The following DHX34 variants were observed in gnomAD, a reference collection of about 807,000 sequenced individuals.
The protein encoded by DHX34 is probable ATP-dependent RNA helicase DHX34.
Under a neutral mutation model 111.1 loss-of-function variants are expected in DHX34, and 96 were observed. The ratio of observed to expected loss-of-function variants is 0.86; its 90% CI spans 0.73 to 1.02. The LOEUF (loss-of-function observed/expected upper bound fraction) is 1.02, where lower values mean the gene tolerates loss of function less well. DHX34 is among the 50% of genes least tolerant of loss of function. The pLI is 0.00. For synonymous variants in DHX34, 688 were observed against 670.4 expected (o/e 1.03, Z -0.41); for missense variants, 1,560 against 1,579.9 (o/e 0.99, Z 0.21).
At chr19:47,368,705 C>CAT (rs781452889) in intron 7 of DHX34, among the ~76,000 whole-genome samples, 8 of 149,156 alleles carry the variant, frequency 5.4e-5, no homozygotes, top group East Asian at 2.0e-4. Context: ...TATACACACA[C>CAT]ATATATATAT....
intron 16 of DHX34, 145 bp from the exon 17 acceptor site, chr19:47,381,835 C>T: frequency 4.7e-6 from 7 of 1,479,408 alleles, no homozygotes; most frequent in Non-Finnish European, 6.3e-6. Flanking sequence ...TTTTATTAAT[C>T]TGGGAGGGCT....
intron 3 of DHX34, among the ~76,000 whole-genome samples, chr19:47,357,585 G>A (rs944981454): frequency 1.2e-4 from 19 of 152,092 alleles, no homozygotes; most frequent in South Asian, 2.1e-4. Context: ...GATATCCTAC[G>A]ATGCACAGGA....
intron 1 of DHX34, among the ~76,000 whole-genome samples, chr19:47,351,263 C>G (rs1436198286): frequency 7.0e-6 from 1 of 142,416 alleles, no homozygotes; most frequent in Non-Finnish European, 1.5e-5. Flanking sequence ...CCTGCAAGCT[C>G]TGCCTCCAGG....
chr19:47,379,301 G>A (rs1970273508), intron 13 of DHX34, among the ~76,000 whole-genome samples: 1 of 152,006 alleles, frequency 6.6e-6, no homozygotes, highest in African/African-American at 2.4e-5. Context: ...CAGCCCTGAG[G>A]ATTTTCCCCA....
chr19:47,358,204 A>G (rs1454966950), intron 4 of DHX34, 84 bp downstream of exon 4: 2 of 1,518,954 alleles, frequency 1.3e-6, no homozygotes, highest in Non-Finnish European at 1.8e-6. Flanking sequence ...TAACTCCACA[A>G]ACACAGGGCT....
At chr19:47,355,921 G>T (rs1231550746) in intron 3 of DHX34, among the ~76,000 whole-genome samples, 1 of 151,880 alleles carries the variant, frequency 6.6e-6, no homozygotes, top group Non-Finnish European at 1.5e-5. Context: ...ATAACAGTGT[G>T]GCTGGTCCAG....
At chr19:47,380,566 A>G in intron 14 of DHX34, 1 of 946,906 alleles carries the variant, frequency 1.1e-6, no homozygotes, top group Non-Finnish European at 1.3e-6. Context: ...CAAGGTCTGA[A>G]TGGGGTCCCA....
intron 12 of DHX34, chr19:47,376,802 AGAGT>A: frequency 6.6e-7 from 1 of 1,510,072 alleles, no homozygotes; most frequent in Non-Finnish European, 8.8e-7. Flanking sequence ...CTGTGCCCAG[AGAGT>A]GAGCACCGGT....
chr19:47,367,489 C>T (rs912542392), intron 7 of DHX34, among the ~76,000 whole-genome samples: 2 of 152,150 alleles, frequency 1.3e-5, no homozygotes, highest in Non-Finnish European at 2.9e-5. Context: ...GTTTGTAATA[C>T]AGGCCTCATG....
Position 47,380,894 on chromosome 19 carries a change from C to G in DHX34, c.3061C>G (p.Pro1021Ala). The G allele has an allele frequency of 6.2e-7, 1 of 1,613,738 alleles. No individual in the cohort carries two copies. The highest frequency in any genetic ancestry group is 1.1e-5 in the South Asian group (1 of 91,078). Residue 1021 changes from proline to alanine, a missense_variant, in exon 15 of 17, where the codon CCC becomes GCC. Coordinates refer to ENST00000328771, the MANE Select transcript of DHX34 (RefSeq NM_014681.6). ...GGGACCCCAGACCATCCCAGCCACC[C>G]CCCATCTTCCTGGCCTCTTTGGCAG... ...YVGPQTIPATPHLPGLFGSST... is the reference protein window; with the variant it reads ...YVGPQTIPATAHLPGLFGSST...
chr19:47,365,886 G>A (rs1430018505), intron 6 of DHX34, among the ~76,000 whole-genome samples: 2 of 151,472 alleles, frequency 1.3e-5, no homozygotes, highest in African/African-American at 2.5e-5. Context: ...TCTTTTGGTT[G>A]TAAGTGAGAG....
chr19:47,356,312 A>G (rs1201697529), intron 3 of DHX34, among the ~76,000 whole-genome samples: 1 of 152,026 alleles, frequency 6.6e-6, no homozygotes, highest in African/African-American at 2.4e-5. Flanking sequence ...GATGCCCATC[A>G]ATTTGCCTTC....
At chr19:47,381,528 T>C (rs915090792) in intron 16 of DHX34, 6 of 689,266 alleles carry the variant, frequency 8.7e-6, no homozygotes, top group African/African-American at 7.2e-5. Context: ...CCTCTTTCTG[T>C]CTGCCTGTCC....
In DHX34 at chr19:47,357,908, T is replaced by C; in HGVS notation, c.1060T>C (p.Ser354Pro). 1.2e-6 allele frequency: 2 copies of C among 1,613,952 alleles called. No homozygotes were observed. Among genetic ancestry groups the C allele is most frequent in the Non-Finnish European group, 1.7e-6 (2 of 1,180,006 alleles). ...GGAGGCGGAGCCGACCACGTCCAAG[T>C]CAGAGAAGCTGGACCCGCGGCCTTT... ...PQEAEPTTSK[S>P]EKLDPRPFLR... Residue 354 changes from serine to proline, a missense_variant, in exon 4 of 17, where the codon TCA becomes CCA. Coordinates refer to ENST00000328771, the MANE Select transcript of DHX34 (RefSeq NM_014681.6).
intron 6 of DHX34, among the ~76,000 whole-genome samples, chr19:47,366,453 G>A (rs2122278167): frequency 6.6e-6 from 1 of 151,770 alleles, no homozygotes; most frequent in South Asian, 2.1e-4. Context: ...GCTAATTTTT[G>A]TATTTTTAGT....
At chr19:47,357,038 G>C (rs1230920865) in intron 3 of DHX34, among the ~76,000 whole-genome samples, 2 of 152,026 alleles carry the variant, frequency 1.3e-5, no homozygotes, top group African/African-American at 4.8e-5. Context: ...TATGTTGTCT[G>C]CCTGGTCACG....
Position 47,362,636 on chromosome 19 carries a change from C to T in DHX34, c.1536C>T (p.Phe512=), listed in dbSNP as rs138426511. ...ATGCCGAATCGGACTATGATGCCTT[C>T]GCCCCCTACCCCGTCCCAGAAATTC... ...RLYAESDYDA[F]APYPVPEIRR... The change falls in exon 6 of 17, where the codon TTC becomes TTT. Residue 512 remains phenylalanine (F), a synonymous_variant. Transcript: ENST00000328771. 5.1e-5 allele frequency: 83 copies of T among 1,613,570 alleles called. No homozygotes were observed. The highest frequency in any genetic ancestry group is 1.1e-4 in the African/African-American group (8 of 74,936).
chr19:47,374,311 C>T (rs1200718465), intron 9 of DHX34, among the ~76,000 whole-genome samples: 2 of 151,786 alleles, frequency 1.3e-5, no homozygotes, highest in African/African-American at 2.4e-5. Flanking sequence ...GTGGCACGTG[C>T]CTGTAATCCC....
chr19:47,367,511 C>A (rs56092520), intron 7 of DHX34, among the ~76,000 whole-genome samples: 498 of 152,220 alleles, frequency 3.3e-3, no homozygotes, highest in Non-Finnish European at 5.7e-3. Flanking sequence ...ATAAGGCAGA[C>A]CTCATGGGGA....
Sources: allele counts gnomAD v4.1 joint callset (sites outside exome capture counted in the v4.1 genomes callset), GRCh38; gene constraint gnomAD v4.1.1; transcripts MANE v1.5; gene names NCBI Gene and HGNC (gene_info 2026-07-23, HGNC 2026-07-21).